DMBX1: variants seen among roughly 807,000 people sequenced by gnomAD.
DMBX1 encodes diencephalon/mesencephalon homeobox 1.
Under a neutral mutation model 30.4 loss-of-function variants are expected in DMBX1, and 7 were observed. The ratio of observed to expected loss-of-function variants is 0.23; its 90% CI spans 0.13 to 0.43. The LOEUF (loss-of-function observed/expected upper bound fraction) is 0.43. DMBX1 is among the 20% of genes least tolerant of loss of function. The probability of loss-of-function intolerance (pLI) is 1.00; values close to 1 mark genes in which losing one functional copy is unlikely to be tolerated. For synonymous variants in DMBX1, 222 were observed against 214.2 expected (o/e 1.04, Z -0.32); for missense variants, 460 against 508.5 (o/e 0.90, Z 0.92).
rs552133235 is a variant in DMBX1 at position 46,498,422 on chromosome 1, C to T, written c.-13+7639C>T. 2.0e-5 allele frequency among the ~76,000 whole-genome samples: 3 copies of T among 152,306 alleles called. No individual in the cohort carries two copies. The South Asian group carries it at 6.2e-4, about 32-fold the overall frequency. On this transcript the variant is annotated intron_variant, in intron 2 of 5. Coordinates refer to ENST00000360032, the MANE Select transcript of DMBX1 (RefSeq NM_172225.2). ...CTAAATGTTGCAGAAACTAAAATGG[C>T]TAAGACAAATTATTTATTTTCTGTG...
chr1:46,510,919 C>T lies in DMBX1; in HGVS notation c.334-16C>T, dbSNP rs1019427688. On this transcript the variant is annotated splice_polypyrimidine_tract_variant and intron_variant, in intron 4 of 5. Coordinates refer to ENST00000360032, the MANE Select transcript of DMBX1 (RefSeq NM_172225.2). This position sits in a 1 kb window ranked among gnomAD's most constrained non-coding sequence, Gnocchi z 4.1. ...TCTTTCTTGCCCACCTCGGACTGCTCCTTTCCCGTCCCCAGGTGTGGTTCA... is the reference window on the plus strand; with the variant it reads ...TCTTTCTTGCCCACCTCGGACTGCTTCTTTCCCGTCCCCAGGTGTGGTTCA... 2.5e-6 allele frequency: 4 copies of T among 1,581,816 alleles called. No homozygotes were observed. The highest frequency in any genetic ancestry group is 2.6e-6 in the Non-Finnish European group (3 of 1,163,062).
chr1:46,497,154 A>G (rs1666039610), intron 2 of DMBX1, among the ~76,000 whole-genome samples: 1 of 152,158 alleles, frequency 6.6e-6, no homozygotes, highest in Admixed American at 6.5e-5. Context: ...CTGGATTCCC[A>G]TCCTGCCTCC....
At chr1:46,506,649 G>T (rs139500572) in intron 2 of DMBX1, among the ~76,000 whole-genome samples, 1 of 152,320 alleles carries the variant, frequency 6.6e-6, no homozygotes, top group East Asian at 1.9e-4. Context: ...GTACTATCAT[G>T]AACCCCATGT....
At chr1:46,494,655 G>A (rs1006745795) in intron 2 of DMBX1, among the ~76,000 whole-genome samples, 1 of 152,130 alleles carries the variant, frequency 6.6e-6, no homozygotes, top group African/African-American at 2.4e-5. Flanking sequence ...GAGGGGAGGT[G>A]AGAATCTCCT....
At chr1:46,503,523 T>A (rs1329176260) in intron 2 of DMBX1, among the ~76,000 whole-genome samples, 2 of 151,424 alleles carry the variant, frequency 1.3e-5, no homozygotes, top group African/African-American at 4.9e-5. Flanking sequence ...CTCTGCTGCA[T>A]GAGTAGATAT....
intron 2 of DMBX1, among the ~76,000 whole-genome samples, chr1:46,498,065 G>A (rs1666057568): frequency 6.6e-6 from 1 of 152,192 alleles, no homozygotes; most frequent in Non-Finnish European, 1.5e-5. Context: ...TAGGGTTCCA[G>A]CCTGGGGGGG....
At chr1:46,511,681 C>G (rs907679158) in intron 5 of DMBX1, among the ~76,000 whole-genome samples, 3 of 151,716 alleles carry the variant, frequency 2.0e-5, no homozygotes, top group Admixed American at 6.6e-5. Context: ...AGGCATATCT[C>G]AGATACAAAC....
chr1:46,510,446 C>T lies in DMBX1; in HGVS notation c.155-30C>T. The T allele has an allele frequency of 1.9e-6, 3 of 1,607,616 alleles. No homozygotes were observed. In the South Asian group the frequency reaches 3.3e-5, roughly 18 times the overall value. On this transcript the variant is annotated intron_variant, in intron 3 of 5. Coordinates refer to ENST00000360032, the MANE Select transcript of DMBX1 (RefSeq NM_172225.2). This position sits in a 1 kb window ranked among gnomAD's most constrained non-coding sequence, Gnocchi z 4.1. ...TCCCATAATTAAATGGGCCCCCTCT[C>T]CTTGCCCTCCAACGGCTGTACATTT... is the stretch of plus-strand genomic sequence containing the variant.
chr1:46,512,238 C>T lies in DMBX1; in HGVS notation c.878C>T (p.Ala293Val), dbSNP rs1407277348. The T allele has an allele frequency of 1.9e-5, 30 of 1,613,728 alleles. No homozygotes were observed. The highest frequency in any genetic ancestry group is 2.5e-5 in the Non-Finnish European group (30 of 1,179,916). ...VGGPAPAAAA[A>V]AAAVPYLGVN... ...GGTCCGGCCCCTGCTGCTGCAGCGG[C>T]GGCTGCTGCTGTGCCCTACCTGGGC... Residue 293 changes from alanine to valine, a missense_variant, in exon 6 of 6, where the codon GCG (alanine) becomes GTG (valine). By Grantham distance (64) the Ala-to-Val change is moderately conservative. Transcript: ENST00000360032. This position sits in a 1 kb window ranked among gnomAD's most constrained non-coding sequence, Gnocchi z 4.8.
At position 46,513,452 on chromosome 1, in the gene DMBX1, G is replaced by T. The variant is rs1344665622; in HGVS notation, c.*958G>T. The T allele has an allele frequency of 6.6e-6, 1 of 152,156 alleles. No individual in the cohort carries two copies. The highest frequency in any genetic ancestry group is 2.4e-5 in the African/African-American group (1 of 41,432). 9.4% of individuals were successfully genotyped at this position (152,156 alleles called of 1,614,324 possible). A position where few individuals can be genotyped will look rare whatever the true frequency, so the allele number is the denominator to read the frequency against. Reference sequence around the variant, plus strand: ...CTTTCTCTTCTCTCTTCTCAATTTTGAGGTCCTCATTCCCAAGATTGAGGA... The same window carrying T: ...CTTTCTCTTCTCTCTTCTCAATTTTTAGGTCCTCATTCCCAAGATTGAGGA... On this transcript the variant is annotated 3_prime_UTR_variant, in exon 6 of 6. Coordinates refer to ENST00000360032, the MANE Select transcript of DMBX1 (RefSeq NM_172225.2).
chr1:46,498,590 G>T (rs1481371005), intron 2 of DMBX1, among the ~76,000 whole-genome samples: 1 of 152,100 alleles, frequency 6.6e-6, no homozygotes, highest in East Asian at 1.9e-4. Context: ...GTACCATTTA[G>T]TGTACTGTCC....
intron 2 of DMBX1, among the ~76,000 whole-genome samples, chr1:46,502,253 G>C (rs1260315691): frequency 6.6e-6 from 1 of 152,068 alleles, no homozygotes; most frequent in Non-Finnish European, 1.5e-5. Context: ...CCAAAACCTT[G>C]GTTTCCATTC....
At position 46,512,130 on chromosome 1, in the gene DMBX1, G is replaced by A. The variant is rs1447795061; in HGVS notation, c.770G>A (p.Ser257Asn). 4 of 1,614,002 alleles carry A rather than the reference G, an allele frequency of 2.5e-6. No individual in the cohort carries two copies. The highest frequency in any genetic ancestry group is 1.7e-5 in the Admixed American group (1 of 60,006). Residue 257 changes from serine (S) to asparagine (N), a missense_variant, in exon 6 of 6, where the codon AGC (serine) becomes AAC (asparagine). By Grantham distance (46) the Ser-to-Asn change is conservative (BLOSUM62 1). Transcript: ENST00000360032. This position sits in a 1 kb window ranked among gnomAD's most constrained non-coding sequence, Gnocchi z 4.8. ...PSHSYSSSPL[S>N]LFRLQEQFRQ... The stretch of plus-strand genomic sequence containing the variant: ...CACTCCTATTCCTCGTCCCCGCTGA[G>A]CCTCTTCCGTCTGCAGGAGCAATTC...
rs1178622734 is a variant in DMBX1, at chr1:46,514,473, ACACTGCCTCAGTTTC to A, written c.*1981_*1995del. On this transcript the variant is annotated 3_prime_UTR_variant, in exon 6 of 6. Coordinates refer to ENST00000360032, the MANE Select transcript of DMBX1 (RefSeq NM_172225.2). The stretch of plus-strand genomic sequence containing the variant: ...GTTGTACACACAAGCCTCACTGTAG[ACACTGCCTCAGTTTC>A]CCCATAGGCATAATGGGTCCCTTCT... Among the ~76,000 whole-genome samples, 1 of 152,220 alleles carries A rather than the reference ACACTGCCTCAGTTTC, an allele frequency of 6.6e-6. No homozygotes were observed. The highest frequency in any genetic ancestry group is 2.4e-5 in the African/African-American group (1 of 41,466).
At position 46,491,369 on chromosome 1, in the gene DMBX1, C is replaced by T. The variant is rs1665926360; in HGVS notation, c.-13+586C>T. 6.6e-6 allele frequency among the ~76,000 whole-genome samples: 1 copy of T among 152,232 alleles called. No homozygotes were observed. Among genetic ancestry groups the T allele is most frequent in the Non-Finnish European group, 1.5e-5 (1 of 68,046 alleles). ...GAACCCACCGGGCCTGGAGCGCAGC[C>T]TCAGCGCTGGTTCCGACCCGGGCCC... On this transcript the variant is annotated intron_variant, in intron 2 of 5. Transcript: ENST00000360032. The surrounding 1 kb of genome is among the most constrained non-coding windows in gnomAD (Gnocchi z 5.5).
intron 2 of DMBX1, among the ~76,000 whole-genome samples, chr1:46,502,904 CA>C (rs979559716): frequency 3.3e-5 from 5 of 152,116 alleles, no homozygotes; most frequent in Admixed American, 1.3e-4. Flanking sequence ...CAAAACAAAA[CA>C]AAAAAACCCA....
chr1:46,500,019 G>T (rs534800239), intron 2 of DMBX1, among the ~76,000 whole-genome samples: 1 of 152,310 alleles, frequency 6.6e-6, no homozygotes, highest in South Asian at 2.1e-4. Context: ...CCCCATTTCT[G>T]AAGAGGGCTC....
At chr1:46,499,483 T>G (rs1178661688) in intron 2 of DMBX1, among the ~76,000 whole-genome samples, 2 of 152,236 alleles carry the variant, frequency 1.3e-5, no homozygotes, top group African/African-American at 4.8e-5. Flanking sequence ...TGTTGACACC[T>G]GTTTCACCAC....
chr1:46,505,048 A>G (rs1666205255), intron 2 of DMBX1, among the ~76,000 whole-genome samples: 1 of 151,464 alleles, frequency 6.6e-6, no homozygotes, highest in Non-Finnish European at 1.5e-5. Flanking sequence ...AACCACAATG[A>G]GATACCATCT....
Sources: allele counts gnomAD v4.1 joint callset (sites outside exome capture counted in the v4.1 genomes callset), GRCh38; gene constraint gnomAD v4.1.1; non-coding constraint Gnocchi (gnomAD v3.1); transcripts MANE v1.5; gene names NCBI Gene and HGNC (gene_info 2026-07-23, HGNC 2026-07-21).